Variants in GPC6 observed in about 807,000 individuals in gnomAD.
The protein encoded by GPC6 is glypican 6.
GPC6 carries 14 observed loss-of-function variants against 55.2 expected under a neutral mutation model. That is an observed-to-expected ratio of 0.25 (90% CI 0.17 to 0.40). The LOEUF (loss-of-function observed/expected upper bound fraction) is 0.40. GPC6 is among the 10% of genes least tolerant of loss of function. GPC6 has a pLI of 1.00. For missense variants in GPC6, 641 were observed against 708.5 expected (o/e 0.90, Z 1.08); for synonymous variants, 278 against 259.6 (o/e 1.07, Z -0.68).
chr13:93,880,563 G>A (rs1287103957), intron 3 of GPC6, among the ~76,000 whole-genome samples: 1 of 152,044 alleles, frequency 6.6e-6, no homozygotes, highest in African/African-American at 2.4e-5. Flanking sequence ...GGGGACTGTT[G>A]TGGGGTTGGG....
rs74108621 is a variant in GPC6 at position 93,735,739 on chromosome 13, C to T, written c.320-94415C>T. 8.3e-3 allele frequency among the ~76,000 whole-genome samples: 1,269 copies of T among 152,244 alleles called. 16 individuals are homozygous for T. The highest frequency in any genetic ancestry group is 0.029 in the African/African-American group (1,192 of 41,550). ...CACTACCTGTAACAAGGCTGCCTGA[C>T]GCATTCTAGGGGACACCATTGTATT... On this transcript the variant is annotated intron_variant, in intron 2 of 8. Coordinates refer to ENST00000377047, the MANE Select transcript of GPC6 (RefSeq NM_005708.5).
intron 2 of GPC6, among the ~76,000 whole-genome samples, chr13:93,765,266 T>TGGAAAGACAACTTTCCAGATAAGCTGTCA (rs1885084762): frequency 6.6e-6 from 1 of 152,090 alleles, no homozygotes; most frequent in African/African-American, 2.4e-5. Flanking sequence ...ATAAGCTGTC[T>TGGAAAGACAACTTTCCAGATAAGCTGTCA]GGAAAGACAA....
At chr13:94,027,950 T>A in intron 4 of GPC6, 56 bp downstream of exon 4, 1 of 1,439,874 alleles carries the variant, frequency 6.9e-7, no homozygotes, top group South Asian at 1.1e-5. Flanking sequence ...CAAGTGTTTA[T>A]GGGGCTTGAT....
At chr13:94,099,131 A>C (rs1229897894) in intron 4 of GPC6, among the ~76,000 whole-genome samples, 2 of 152,108 alleles carry the variant, frequency 1.3e-5, no homozygotes, top group Admixed American at 6.6e-5. Flanking sequence ...CTGACCCATA[A>C]AATATACTGT....
At chr13:94,287,891 A>G (rs542456585) in intron 5 of GPC6, among the ~76,000 whole-genome samples, 1 of 152,336 alleles carries the variant, frequency 6.6e-6, no homozygotes, top group East Asian at 1.9e-4. Flanking sequence ...GGAGGAACAC[A>G]TGGACAAAAT....
At chr13:93,296,014 T>A (rs772411455) in intron 1 of GPC6, among the ~76,000 whole-genome samples, 16 of 152,130 alleles carry the variant, frequency 1.1e-4, no homozygotes, top group Non-Finnish European at 2.1e-4. Context: ...TGGCACTCAC[T>A]CCATTTATGG....
Position 94,305,996 on chromosome 13 carries a change from G to C in GPC6, c.1025G>C (p.Gly342Ala). Residue 342 changes from glycine to alanine, a missense_variant, in exon 6 of 9, where the codon GGT (glycine) becomes GCT (alanine). Transcript: ENST00000377047. Reference sequence around the variant, plus strand: ...TTCTTCCAGGTCTTTCAGGGATGTGGTCAGCCCAAACCTGCTCCAGCCCTC... The same window carrying C: ...TTCTTCCAGGTCTTTCAGGGATGTGCTCAGCCCAAACCTGCTCCAGCCCTC... ...QVSAKVFQGCGQPKPAPALRS... is the reference protein window; with the variant it reads ...QVSAKVFQGCAQPKPAPALRS... 1 of 1,614,070 alleles carries C rather than the reference G, an allele frequency of 6.2e-7. No individual in the cohort carries two copies. The highest frequency in any genetic ancestry group is 8.5e-7 in the Non-Finnish European group (1 of 1,179,998).
intron 2 of GPC6, among the ~76,000 whole-genome samples, chr13:93,740,752 A>G (rs1013685156): frequency 7.9e-5 from 12 of 152,334 alleles, no homozygotes; most frequent in Non-Finnish European, 1.6e-4. Flanking sequence ...ACAATTCTAA[A>G]ATGATTGAAA....
intron 4 of GPC6, among the ~76,000 whole-genome samples, chr13:94,143,678 A>G (rs1887461380): frequency 6.6e-6 from 1 of 152,150 alleles, no homozygotes; most frequent in African/African-American, 2.4e-5. Flanking sequence ...GTTTGAGCCC[A>G]CAAGTTTGAA....
At chr13:94,135,468 T>C (rs1210773621) in intron 4 of GPC6, among the ~76,000 whole-genome samples, 2 of 152,248 alleles carry the variant, frequency 1.3e-5, no homozygotes, top group African/African-American at 2.4e-5. Context: ...TTGCATTTTC[T>C]TTATGGCTCT....
chr13:93,587,146 T>C (rs1173626723), intron 2 of GPC6, among the ~76,000 whole-genome samples: 1 of 152,164 alleles, frequency 6.6e-6, no homozygotes, highest in African/African-American at 2.4e-5. Flanking sequence ...CACTATCCTC[T>C]CTGGGCCTTC....
chr13:94,220,007 G>A (rs956024259), intron 4 of GPC6, among the ~76,000 whole-genome samples: 2 of 152,074 alleles, frequency 1.3e-5, no homozygotes, highest in Non-Finnish European at 2.9e-5. Flanking sequence ...ATGACTTCTG[G>A]TTTGGGGCTC....
intron 4 of GPC6, among the ~76,000 whole-genome samples, chr13:94,229,080 A>G (rs1890642809): frequency 6.6e-6 from 1 of 152,200 alleles, no homozygotes; most frequent in South Asian, 2.1e-4. Flanking sequence ...TGGCAGTTGG[A>G]TGAGAATCTG....
chr13:94,005,061 A>T (rs1768309567), intron 3 of GPC6, among the ~76,000 whole-genome samples: 1 of 152,104 alleles, frequency 6.6e-6, no homozygotes, highest in Non-Finnish European at 1.5e-5. Context: ...GGCTGACTCC[A>T]TCCCCCAGCC....
intron 2 of GPC6, among the ~76,000 whole-genome samples, chr13:93,780,594 TACACACACACACACACAC>T (rs35134947): frequency 1.4e-5 from 2 of 143,842 alleles, no homozygotes; most frequent in Non-Finnish European, 3.1e-5. Flanking sequence ...ATCACAAAAA[TACACACACACACACACAC>T]ACACACACAC....
chr13:94,299,823 A>G (rs1412324395), intron 5 of GPC6, among the ~76,000 whole-genome samples: 1 of 152,122 alleles, frequency 6.6e-6, no homozygotes, highest in African/African-American at 2.4e-5. Flanking sequence ...TGTGAAAATA[A>G]TGGCTGCACC....
chr13:94,396,068 C>T (rs1377779498), intron 7 of GPC6, among the ~76,000 whole-genome samples: 1 of 152,208 alleles, frequency 6.6e-6, no homozygotes, highest in South Asian at 2.1e-4. Flanking sequence ...CTTTGGGTGC[C>T]TCTCTGTGGT....
chr13:93,529,217 G>A (rs75116755), intron 1 of GPC6, among the ~76,000 whole-genome samples: 1,531 of 152,292 alleles, frequency 0.01, 22 homozygotes, highest in Non-Finnish European at 9.8e-3. Flanking sequence ...GTTAGGTCCT[G>A]CAGTTTGAAA....
rs114970170 is a variant in GPC6, at chr13:93,678,656, C to G, written c.319+133235C>G. On this transcript the variant is annotated intron_variant, in intron 2 of 8. Transcript: ENST00000377047. ...ACAGACCTGATTATCTTGCCTTTGT[C>G]ATTGGCCATTCATCCCACTCACCTA... 1.4e-3 allele frequency among the ~76,000 whole-genome samples: 218 copies of G among 152,234 alleles called. 1 individual carries two copies. The highest frequency in any genetic ancestry group is 5.1e-3 in the African/African-American group (211 of 41,554).
Sources: allele counts gnomAD v4.1 joint callset (sites outside exome capture counted in the v4.1 genomes callset), GRCh38; gene constraint gnomAD v4.1.1; transcripts MANE v1.5; gene names NCBI Gene and HGNC (gene_info 2026-07-23, HGNC 2026-07-21).